ARHGEF7: variants seen among roughly 807,000 people sequenced by gnomAD.
The protein encoded by ARHGEF7 is Rho guanine nucleotide exchange factor 7.
Under a neutral mutation model 109.8 loss-of-function variants are expected in ARHGEF7, and 33 were observed. The observed-to-expected ratio is 0.30, with a 90% CI of 0.23 to 0.40. The LOEUF (loss-of-function observed/expected upper bound fraction) is 0.40, where lower values mean the gene tolerates loss of function less well. Among genes scored for constraint, ARHGEF7 ranks in the 10% least tolerant of loss-of-function variants. ARHGEF7 has a pLI of 1.00. For missense variants in ARHGEF7, 938 were observed against 1,098.5 expected, an observed-to-expected ratio of 0.85 and a Z score of 2.07; for synonymous variants, 458 against 424.6, an observed-to-expected ratio of 1.08 and a Z score of -0.97.
At chr13:111,115,720 G>GAC in intron 1 of ARHGEF7, 29 bp downstream of exon 1, 5 of 1,125,780 alleles carry the variant, frequency 4.4e-6, no homozygotes, top group Non-Finnish European at 4.4e-6. Flanking sequence ...CCCCGCCCGC[G>GAC]CCCCCCGGTC....
intron 5 of ARHGEF7, among the ~76,000 whole-genome samples, chr13:111,222,339 C>T (rs1387849603): frequency 6.6e-6 from 1 of 152,084 alleles, no homozygotes; most frequent in Non-Finnish European, 1.5e-5. Context: ...ATGGTTGAAC[C>T]AAAGGAATAA....
rs919050536 is a variant in ARHGEF7 at position 111,228,038 on chromosome 13, A to C, written c.671-5167A>C. ...GAAACTGAGAAACACAGCAGTGGGA[A>C]AACCAAGAGTGTCTTCCCAGAAGTT... On this transcript the variant is annotated intron_variant, in intron 5 of 21. Coordinates refer to ENST00000646102, the MANE Select transcript of ARHGEF7 (RefSeq NM_001354046.2). The surrounding 1 kb of genome is among the most constrained non-coding windows in gnomAD (Gnocchi z 4.6). Among the ~76,000 whole-genome samples, 1 of 152,238 alleles carries C rather than the reference A, an allele frequency of 6.6e-6. No homozygotes were observed.
At chr13:111,221,015 A>G (rs573105476) in intron 5 of ARHGEF7, among the ~76,000 whole-genome samples, 3 of 148,948 alleles carry the variant, frequency 2.0e-5, no homozygotes, top group Admixed American at 6.8e-5. Flanking sequence ...AGTTTATTAT[A>G]TATACATGTT....
intron 4 of ARHGEF7, among the ~76,000 whole-genome samples, chr13:111,216,611 C>T (rs754237277): frequency 3.9e-5 from 6 of 152,108 alleles, no homozygotes; most frequent in African/African-American, 7.2e-5. Context: ...GGGATAGAGG[C>T]CTGGACTCTG....
At chr13:111,205,050 C>T (rs778811840) in intron 2 of ARHGEF7, among the ~76,000 whole-genome samples, 5 of 152,186 alleles carry the variant, frequency 3.3e-5, no homozygotes, top group Non-Finnish European at 5.9e-5. Flanking sequence ...GGGGCAGGGG[C>T]GGGTGTTGGG....
chr13:111,206,001 G>A (rs1594706374), intron 3 of ARHGEF7, among the ~76,000 whole-genome samples: 4 of 152,280 alleles, frequency 2.6e-5, no homozygotes, highest in African/African-American at 9.6e-5. Flanking sequence ...AAGGTCCCCG[G>A]AGGAAATGCT....
intron 2 of ARHGEF7, among the ~76,000 whole-genome samples, chr13:111,158,096 AATT>A (rs1309983368): frequency 1.3e-5 from 2 of 152,220 alleles, no homozygotes; most frequent in African/African-American, 4.8e-5. Flanking sequence ...TTAGCAACAA[AATT>A]ATTATAATAA....
chr13:111,288,492 G>C (rs769062319), intron 18 of ARHGEF7, 49 bp downstream of exon 18: 20 of 1,473,814 alleles, frequency 1.4e-5, no homozygotes, highest in Non-Finnish European at 1.9e-5. Context: ...ATTCTGTTTA[G>C]TTTCAAATTA....
intron 2 of ARHGEF7, among the ~76,000 whole-genome samples, chr13:111,174,608 C>T (rs1168687823): frequency 6.6e-6 from 1 of 152,186 alleles, no homozygotes; most frequent in Admixed American, 6.5e-5. Flanking sequence ...CTAAGTTTTC[C>T]TGTAGTGCTA....
At chr13:111,246,152 G>A (rs542610873) in intron 8 of ARHGEF7, among the ~76,000 whole-genome samples, 1 of 152,320 alleles carries the variant, frequency 6.6e-6, no homozygotes, top group East Asian at 1.9e-4. Flanking sequence ...CCTGCCAGGT[G>A]ACTTAGAACA....
chr13:111,216,763 T>C (rs2083200407), intron 4 of ARHGEF7, among the ~76,000 whole-genome samples: 1 of 152,174 alleles, frequency 6.6e-6, no homozygotes, highest in African/African-American at 2.4e-5. Flanking sequence ...GCGGCCCTTT[T>C]CTTGCTCCTG....
rs1249425012 is a variant in ARHGEF7 at position 111,209,866 on chromosome 13, T to C, written c.338-6T>C. ...CTCTCTTTTTCTGTGTGCATGCTCT[T>C]TGCAGACATCGGGCTGGGGAGTGAC... On this transcript the variant is annotated splice_polypyrimidine_tract_variant and splice_region_variant and intron_variant, in intron 3 of 21. Transcript: ENST00000646102. The C allele has an allele frequency of 1.9e-6, 3 of 1,614,064 alleles. No individual in the cohort carries two copies. Among genetic ancestry groups the C allele is most frequent in the Non-Finnish European group, 2.5e-6 (3 of 1,179,938 alleles).
Position 111,300,482 on chromosome 13 carries a change from G to C in ARHGEF7, c.2312-266G>C, listed in dbSNP as rs140590731. ...AACTTCCTCCCTGTTGAAAATGCTGGGGTTTCAACAATCCGTAATTCCGAT... is the reference window on the plus strand; with the variant it reads ...AACTTCCTCCCTGTTGAAAATGCTGCGGTTTCAACAATCCGTAATTCCGAT... On this transcript the variant is annotated intron_variant, in intron 19 of 21. Transcript: ENST00000646102. 7.9e-5 allele frequency among the ~76,000 whole-genome samples: 12 copies of C among 152,244 alleles called. No individual in the cohort carries two copies. In the East Asian group the frequency reaches 2.3e-3, roughly 29 times the overall value.
In ARHGEF7 at chr13:111,266,822, T is replaced by C; in HGVS notation, c.951-726T>C. ...TAAGAGTTCACGTGGTTCTCCTGTTTTCAGCACACGTGCCCCTGCTCCGGG... is the reference window on the plus strand; with the variant it reads ...TAAGAGTTCACGTGGTTCTCCTGTTCTCAGCACACGTGCCCCTGCTCCGGG... On this transcript the variant is annotated intron_variant, in intron 8 of 21. Coordinates refer to ENST00000646102, the MANE Select transcript of ARHGEF7 (RefSeq NM_001354046.2). The surrounding 1 kb of genome is among the most constrained non-coding windows in gnomAD (Gnocchi z 4.8). 2.2e-6 allele frequency: 1 copy of C among 456,012 alleles called. No homozygotes were observed. The highest frequency in any genetic ancestry group is 2.3e-5 in the Admixed American group (1 of 42,574). The allele number at this position is 456,012 out of a possible 1,614,324, so 28.2% of individuals were successfully genotyped here.
chr13:111,184,504 A>G (rs1339656426), intron 2 of ARHGEF7, among the ~76,000 whole-genome samples: 1 of 152,138 alleles, frequency 6.6e-6, no homozygotes, highest in East Asian at 1.9e-4. Flanking sequence ...GCAAAAAGAA[A>G]ACCCAGAGAA....
At chr13:111,245,190 G>A (rs1451014782) in intron 8 of ARHGEF7, among the ~76,000 whole-genome samples, 1 of 152,152 alleles carries the variant, frequency 6.6e-6, no homozygotes, top group East Asian at 1.9e-4. Context: ...CTTCTCAGAT[G>A]TAATGGTTTT....
intron 1 of ARHGEF7, among the ~76,000 whole-genome samples, chr13:111,137,750 G>T (rs1490102238): frequency 6.6e-6 from 1 of 152,114 alleles, no homozygotes; most frequent in African/African-American, 2.4e-5. Flanking sequence ...AAGAGGCCAA[G>T]CTCAGGAGGT....
chr13:111,194,868 G>A (rs1299892444), intron 2 of ARHGEF7, among the ~76,000 whole-genome samples: 5 of 151,824 alleles, frequency 3.3e-5, no homozygotes, highest in South Asian at 2.1e-4. Context: ...TACAGAAGGC[G>A]GCATCCTTGA....
intron 6 of ARHGEF7, among the ~76,000 whole-genome samples, chr13:111,242,681 C>T (rs940747250): frequency 7.9e-5 from 12 of 152,252 alleles, no homozygotes; most frequent in African/African-American, 2.9e-4. Context: ...TCAGCGTGCT[C>T]CTCAGTCTCA....
Sources: allele counts gnomAD v4.1 joint callset (sites outside exome capture counted in the v4.1 genomes callset), GRCh38; gene constraint gnomAD v4.1.1; non-coding constraint Gnocchi (gnomAD v3.1); transcripts MANE v1.5; gene names NCBI Gene and HGNC (gene_info 2026-07-23, HGNC 2026-07-21).